The following PEPD variants were observed in gnomAD, a reference collection of about 807,000 sequenced individuals.
PEPD encodes peptidase D.
PEPD carries 53 observed loss-of-function variants against 60.7 expected under a neutral mutation model. That is an observed-to-expected ratio of 0.87 (90% CI 0.70 to 1.10). The LOEUF is 1.10. PEPD is among the 50% of genes least tolerant of loss of function. PEPD has a pLI of 0.00. For missense variants in PEPD, 711 were observed against 711.9 expected (o/e 1.00, Z 0.01); for synonymous variants, 267 against 284.1 (o/e 0.94, Z 0.60).
Position 33,480,622 on chromosome 19 carries a change from C to T in PEPD, c.504-2532G>A, listed in dbSNP as rs560971726. Among the ~76,000 whole-genome samples the T allele has an allele frequency of 2.6e-5, 4 of 152,148 alleles. No individual in the cohort carries two copies. The South Asian group carries it at 8.3e-4, about 32-fold the overall frequency. The stretch of plus-strand genomic sequence containing the variant: ...CCATCCTGGCCAATATGGTGAAAAC[C>T]CGTCTCTACTGAAAACACAAAAATT... On this transcript the variant is annotated intron_variant, in intron 6 of 14. Transcript: ENST00000244137.
chr19:33,474,078 G>A (rs1970173877), intron 7 of PEPD, among the ~76,000 whole-genome samples: 1 of 152,178 alleles, frequency 6.6e-6, no homozygotes, highest in South Asian at 2.1e-4. Context: ...GTGCATGTGG[G>A]TGCCAAGGAA....
chr19:33,403,356 G>A (rs1360548528), intron 11 of PEPD, among the ~76,000 whole-genome samples: 1 of 152,216 alleles, frequency 6.6e-6, no homozygotes, highest in Non-Finnish European at 1.5e-5. Context: ...AGCCAGGAGG[G>A]CTGAGGAAGT....
chr19:33,478,530 A>G (rs1320413457), intron 6 of PEPD, among the ~76,000 whole-genome samples: 1 of 152,212 alleles, frequency 6.6e-6, no homozygotes, highest in Non-Finnish European at 1.5e-5. Context: ...ACACATGATA[A>G]TCAAACTGTC....
intron 7 of PEPD, among the ~76,000 whole-genome samples, chr19:33,473,062 A>G (rs1223708468): frequency 6.6e-6 from 1 of 152,062 alleles, no homozygotes; most frequent in Non-Finnish European, 1.5e-5. Flanking sequence ...AAACCTAGCC[A>G]GGGACGGGCA....
At chr19:33,503,998 G>A (rs1011553579) in intron 3 of PEPD, among the ~76,000 whole-genome samples, 4 of 152,082 alleles carry the variant, frequency 2.6e-5, no homozygotes, top group East Asian at 1.9e-4. Context: ...GCCAAAAAGC[G>A]CCTCCCAAGC....
chr19:33,467,276 C>A (rs1375521162), intron 7 of PEPD, among the ~76,000 whole-genome samples: 3 of 152,078 alleles, frequency 2.0e-5, no homozygotes, highest in Admixed American at 2.0e-4. Flanking sequence ...AGAGAAGGCA[C>A]TCCCGCCCTG....
chr19:33,400,810 A>G (rs1460320542), intron 12 of PEPD, among the ~76,000 whole-genome samples: 1 of 152,152 alleles, frequency 6.6e-6, no homozygotes, highest in African/African-American at 2.4e-5. Flanking sequence ...AATGGTTTCT[A>G]TTGTTGCAGG....
chr19:33,417,758 T>C (rs1600099398), intron 9 of PEPD, among the ~76,000 whole-genome samples: 1 of 151,268 alleles, frequency 6.6e-6, no homozygotes, highest in Non-Finnish European at 1.5e-5. Context: ...GGAGAGGAGG[T>C]CGTGGGCATC....
chr19:33,387,565 C>G, intron 14 of PEPD, 84 bp from the exon 15 acceptor site: 1 of 1,561,058 alleles, frequency 6.4e-7, no homozygotes, highest in South Asian at 1.1e-5. Context: ...AGGCCCACCC[C>G]ACCATGGGAT....
At chr19:33,419,938 A>C (rs894234045) in intron 9 of PEPD, among the ~76,000 whole-genome samples, 4 of 152,254 alleles carry the variant, frequency 2.6e-5, no homozygotes, top group Admixed American at 2.6e-4. Flanking sequence ...CCAAGACAGC[A>C]GCGGTCACAG....
intron 9 of PEPD, among the ~76,000 whole-genome samples, chr19:33,429,971 A>G (rs558574399): frequency 6.6e-6 from 1 of 152,374 alleles, no homozygotes; most frequent in African/African-American, 2.4e-5. Flanking sequence ...TAACACAATT[A>G]ATCTTGAGGC....
chr19:33,463,110 T>C (rs145931382), intron 8 of PEPD, 69 bp from the exon 9 acceptor site: 368 of 925,686 alleles, frequency 4.0e-4, no homozygotes, highest in Non-Finnish European at 6.1e-4. Context: ...ATAAATAACA[T>C]ACAGCACTTC....
At chr19:33,495,756 C>A (rs3859531) in intron 4 of PEPD, among the ~76,000 whole-genome samples, 36,467 of 151,796 alleles carry the variant, frequency 0.24, 4,586 homozygotes, top group Non-Finnish European at 0.29. Context: ...AAGGCTGAGG[C>A]GGGTGGATCA....
chr19:33,473,417 G>C (rs2145289955), intron 7 of PEPD, among the ~76,000 whole-genome samples: 1 of 152,252 alleles, frequency 6.6e-6, no homozygotes, highest in South Asian at 2.1e-4. Context: ...CATCTCCTGT[G>C]CACACAGAGA....
At chr19:33,395,725 G>A (rs1305499192) in intron 12 of PEPD, among the ~76,000 whole-genome samples, 2 of 152,224 alleles carry the variant, frequency 1.3e-5, no homozygotes, top group Non-Finnish European at 2.9e-5. Context: ...GCCTGACCGA[G>A]CTACAAAGGC....
At chr19:33,455,554 G>A (rs1969779931) in intron 9 of PEPD, among the ~76,000 whole-genome samples, 1 of 151,664 alleles carries the variant, frequency 6.6e-6, no homozygotes, top group Non-Finnish European at 1.5e-5. Context: ...CCAGATGGGA[G>A]TGCAGTGGTG....
At position 33,390,643 on chromosome 19, in the gene PEPD, C is replaced by T. The variant is rs371502358; in HGVS notation, c.1152+652G>A. On this transcript the variant is annotated intron_variant, in intron 13 of 14. Coordinates refer to ENST00000244137, the MANE Select transcript of PEPD (RefSeq NM_000285.4). ...AGCCGAGAGGCCGTAGCCACCTGCC[C>T]GGTTGGGCCTCCCCAAGCCTCACTT... 2.7e-4 allele frequency among the ~76,000 whole-genome samples: 41 copies of T among 152,306 alleles called. No individual in the cohort carries two copies. In the South Asian group the frequency reaches 4.4e-3, roughly 16 times the overall value.
At chr19:33,416,152 C>T (rs12978742) in intron 9 of PEPD, among the ~76,000 whole-genome samples, 19,021 of 152,240 alleles carry the variant, frequency 0.12, 1,597 homozygotes, top group Non-Finnish European at 0.19. Context: ...ATGCTTGATG[C>T]GGACGCAACG....
chr19:33,462,886 C>T, intron 9 of PEPD, 109 bp downstream of exon 9: 1 of 790,870 alleles, frequency 1.3e-6, no homozygotes, highest in African/African-American at 1.7e-5. Context: ...TTCATAATCT[C>T]CGCTCACGGT....
Sources: gnomAD v4.1 joint callset for allele counts (sites outside exome capture counted in the v4.1 genomes callset) on GRCh38, gnomAD v4.1.1 for gene constraint, MANE v1.5 for transcripts, NCBI Gene and HGNC (gene_info 2026-07-23, HGNC 2026-07-21) for gene names.